TTC19: variants seen among roughly 807,000 people sequenced by gnomAD.
TTC19 encodes the protein tetratricopeptide repeat domain 19.
Under a neutral mutation model 49.5 loss-of-function variants are expected in TTC19, and 38 were observed. The observed-to-expected ratio is 0.77, with a 90% CI of 0.59 to 1.01. The LOEUF (loss-of-function observed/expected upper bound fraction) is 1.01, where lower values mean the gene tolerates loss of function less well. Among genes scored for constraint, TTC19 ranks in the 50% least tolerant of loss-of-function variants. The pLI is 0.00. For synonymous variants in TTC19, 204 were observed against 185.2 expected (o/e 1.10, Z -0.83); for missense variants, 475 against 477.7 (o/e 0.99, Z 0.05).
intron 2 of TTC19, chr17:16,035,022 C>G: frequency 1.5e-6 from 2 of 1,369,812 alleles, no homozygotes; most frequent in Non-Finnish European, 2.0e-6. Flanking sequence ...TTATATATTG[C>G]TAAATGAAAA....
chr17:16,031,938 G>T, downstream of TTC19: 1 of 280,016 alleles, frequency 3.6e-6, no homozygotes, highest in South Asian at 8.8e-5. Flanking sequence ...CTACAGCAAG[G>T]GGATATACAC....
In TTC19 at chr17:16,027,560, T is replaced by G. The variant is rs866058162; in HGVS notation, c.*38T>G. 5.6e-6 allele frequency: 9 copies of G among 1,608,988 alleles called. No homozygotes were observed. The Middle Eastern group carries it at 1.5e-3, about 266-fold the overall frequency. ...GTAGGGAGAATAATGTCTAGTAATG[T>G]GGAAGAATAGCTATCATTCCTGTCT... On this transcript the variant is annotated 3_prime_UTR_variant, in exon 10 of 10. Coordinates refer to ENST00000261647, the MANE Select transcript of TTC19 (RefSeq NM_017775.4).
At chr17:16,038,293 CAG>C (rs796486419) in intron 2 of TTC19, among the ~76,000 whole-genome samples, 6 of 152,282 alleles carry the variant, frequency 3.9e-5, no homozygotes, top group African/African-American at 1.4e-4. Context: ...TTGTTTTTAA[CAG>C]AATGTATAAA....
chr17:16,032,011 G>A (rs1972094700), downstream of TTC19: 2 of 392,696 alleles, frequency 5.1e-6, no homozygotes, highest in Middle Eastern at 6.5e-4. Flanking sequence ...CTTTACAGAT[G>A]TAAGAACAGC....
At chr17:16,004,003 CTTCT>C (rs1320231290) in intron 5 of TTC19, 116 bp downstream of exon 5, 4 of 1,211,982 alleles carry the variant, frequency 3.3e-6, no homozygotes, top group Non-Finnish European at 4.8e-6. Context: ...TGGAGTTTCC[CTTCT>C]GAGATCTCTA....
At chr17:16,008,103 G>C (rs1417078314) in intron 7 of TTC19, among the ~76,000 whole-genome samples, 6 of 152,162 alleles carry the variant, frequency 3.9e-5, no homozygotes. Flanking sequence ...GCACGCCTTA[G>C]GGCTGTTTTC....
chr17:16,001,655 T>A (rs536783051), intron 2 of TTC19, among the ~76,000 whole-genome samples: 23 of 152,178 alleles, frequency 1.5e-4, no homozygotes, highest in Non-Finnish European at 2.1e-4. Flanking sequence ...CCTTATAAAA[T>A]ATGTTGTAAG....
At chr17:16,038,926 A>G (rs754261010) in intron 2 of TTC19, among the ~76,000 whole-genome samples, 3 of 152,138 alleles carry the variant, frequency 2.0e-5, no homozygotes, top group Non-Finnish European at 2.9e-5. Flanking sequence ...ACACGCCATC[A>G]TGCCCAGCTA....
intron 7 of TTC19, among the ~76,000 whole-genome samples, chr17:16,012,305 G>A (rs1971097970): frequency 6.6e-6 from 1 of 152,078 alleles, no homozygotes; most frequent in Admixed American, 6.6e-5. Context: ...CCCTGGAAAC[G>A]TGGCAAAACC....
chr17:16,027,303 G>C (rs1484495935), intron 9 of TTC19, 71 bp from the exon 10 acceptor site: 2 of 1,572,902 alleles, frequency 1.3e-6, no homozygotes, highest in Non-Finnish European at 1.7e-6. Context: ...CTGCATTCAT[G>C]CTCTCTCTTC....
At chr17:16,020,390 C>T (rs1254814854) in intron 7 of TTC19, among the ~76,000 whole-genome samples, 3 of 152,052 alleles carry the variant, frequency 2.0e-5, no homozygotes, top group Non-Finnish European at 4.4e-5. Context: ...CGTAAGAGTT[C>T]CTTACGTATT....
intron 9 of TTC19, chr17:16,026,904 C>G: frequency 1.5e-6 from 1 of 653,180 alleles, no homozygotes; most frequent in Non-Finnish European, 2.7e-6. Flanking sequence ...TACAGACCTG[C>G]ACTAGCCTGT....
At chr17:16,036,321 C>T (rs965498770) in intron 2 of TTC19, among the ~76,000 whole-genome samples, 4 of 152,214 alleles carry the variant, frequency 2.6e-5, no homozygotes, top group East Asian at 1.9e-4. Flanking sequence ...TCTGTAAACA[C>T]ATGCTGTCAT....
chr17:16,039,919 T>C, intron 2 of TTC19: 2 of 422,072 alleles, frequency 4.7e-6, no homozygotes, highest in South Asian at 2.1e-5. Flanking sequence ...GTCTCCCAAG[T>C]AGCTGGGACT....
chr17:16,028,057 G>A lies in TTC19; in HGVS notation c.*535G>A, dbSNP rs907191062. On this transcript the variant is annotated 3_prime_UTR_variant, in exon 10 of 10. Transcript: ENST00000261647. ...ATAAAAGAGAAAAATATCTTAGTTT[G>A]CTACCAGCATCCAGCATGAAGTTGT... 2.2e-6 allele frequency: 1 copy of A among 454,092 alleles called. No homozygotes were observed. Among genetic ancestry groups the A allele is most frequent in the Non-Finnish European group, 4.4e-6 (1 of 226,786 alleles). The allele number at this position is 454,092 out of a possible 1,614,324, so 28.1% of individuals were successfully genotyped here. A position where few individuals can be genotyped will look rare whatever the true frequency, so the allele number is the denominator to read the frequency against.
rs2057174314 is a variant in TTC19, at chr17:16,039,677, T to A, written c.248-4826T>A. The A allele has an allele frequency of 1.9e-6, 3 of 1,591,302 alleles. No individual in the cohort carries two copies. The East Asian group carries it at 6.7e-5, about 36-fold the overall frequency. On this transcript the variant is annotated intron_variant, in intron 2 of 2. Transcript: ENST00000470649. Reference sequence around the variant, plus strand: ...AGCCTGAAAGAGAATCAAAAACATTTCCACTTATTTCTGAAAGGCCAATCA... The same window carrying A: ...AGCCTGAAAGAGAATCAAAAACATTACCACTTATTTCTGAAAGGCCAATCA...
intron 2 of TTC19, among the ~76,000 whole-genome samples, chr17:16,037,502 G>A (rs151230268): frequency 6.6e-6 from 1 of 151,988 alleles, no homozygotes; most frequent in Non-Finnish European, 1.5e-5. Flanking sequence ...AACAAGGTTC[G>A]TCCTCCTGCC....
At chr17:16,039,403 A>G (rs760043834) in intron 2 of TTC19, 7 of 1,599,618 alleles carry the variant, frequency 4.4e-6, no homozygotes, top group Admixed American at 1.7e-5. Context: ...GGGGAAAAGC[A>G]GCAGAAAAGC....
At chr17:16,002,705 G>C in intron 3 of TTC19, 88 bp from the exon 4 acceptor site, 2 of 1,258,954 alleles carry the variant, frequency 1.6e-6, no homozygotes, top group Non-Finnish European at 2.3e-6. Context: ...TAAATTTTGA[G>C]GGTGAAAGCA....
Sources: allele counts gnomAD v4.1 joint callset (sites outside exome capture counted in the v4.1 genomes callset), GRCh38; gene constraint gnomAD v4.1.1; transcripts MANE v1.5; gene names NCBI Gene and HGNC (gene_info 2026-07-23, HGNC 2026-07-21).